The following MAPK10 variants were observed in gnomAD, a reference collection of about 807,000 sequenced individuals.
MAPK10 encodes the protein mitogen-activated protein kinase 10.
In MAPK10, 25 loss-of-function variants were observed where a neutral mutation model predicts 59.3. That is an observed-to-expected ratio of 0.42 (90% CI 0.31 to 0.59). The LOEUF (loss-of-function observed/expected upper bound fraction) is 0.59. MAPK10 is among the 20% of genes least tolerant of loss of function. MAPK10 has a pLI of 0.15. For missense variants in MAPK10, 351 were observed against 568.9 expected (o/e 0.62, Z 3.90); for synonymous variants, 190 against 200.5 (o/e 0.95, Z 0.44).
At chr4:86,296,934 T>G (rs2095374480) in intron 2 of MAPK10, among the ~76,000 whole-genome samples, 1 of 152,190 alleles carries the variant, frequency 6.6e-6, no homozygotes, top group African/African-American at 2.4e-5. Context: ...AGGAGATCCA[T>G]CTGTTCACTT....
intron 2 of MAPK10, among the ~76,000 whole-genome samples, chr4:86,205,706 G>GA: frequency 6.6e-6 from 1 of 151,786 alleles, no homozygotes; most frequent in East Asian, 1.9e-4. Flanking sequence ...CATTAAAAAA[G>GA]AAAAATTCTT....
chr4:86,515,063 T>C (rs1380427283), intron 1 of MAPK10, among the ~76,000 whole-genome samples: 1 of 152,290 alleles, frequency 6.6e-6, no homozygotes. Context: ...TGCATCCTCA[T>C]AGCTTATTTC....
chr4:86,189,254 A>G (rs1435539653), intron 3 of MAPK10, among the ~76,000 whole-genome samples: 3 of 152,128 alleles, frequency 2.0e-5, no homozygotes, highest in Non-Finnish European at 2.9e-5. Context: ...TATGAAATTT[A>G]AAGTAGTTTT....
chr4:86,199,989 T>C (rs2082257316), intron 2 of MAPK10, among the ~76,000 whole-genome samples: 1 of 152,054 alleles, frequency 6.6e-6, no homozygotes, highest in African/African-American at 2.4e-5. Flanking sequence ...TTTTTTGTTA[T>C]ATTTGAAAAT....
chr4:86,426,975 T>C (rs1227705256), intron 1 of MAPK10, among the ~76,000 whole-genome samples: 2 of 151,926 alleles, frequency 1.3e-5, no homozygotes, highest in African/African-American at 4.8e-5. Flanking sequence ...ATTAAAGCTA[T>C]GGCCGGGCGC....
rs541154451 is a variant in MAPK10 at position 86,574,929 on chromosome 4, A to G, written c.-263+18981T>C. On this transcript the variant is annotated intron_variant, in intron 1 of 4. Coordinates refer to the MAPK10 transcript ENST00000502302. The stretch of plus-strand genomic sequence containing the variant: ...ATATGATGGTTAACATGTCAACTTG[A>G]TTGTGCCAAAGTGTGCACAAATTAA... 1.4e-4 allele frequency among the ~76,000 whole-genome samples: 22 copies of G among 152,262 alleles called. No individual in the cohort carries two copies. The South Asian group carries it at 4.6e-3, about 32-fold the overall frequency.
In MAPK10 at chr4:86,050,835, T is replaced by C. The variant is rs3755971; in HGVS notation, c.1110+13431A>G. ...TATGAAAACAGCATTCTGGCATATA[T>C]GTCCTGAAAGAAAGTCACCAAAAGT... On this transcript the variant is annotated intron_variant, in intron 11 of 13. Coordinates refer to ENST00000641462, the MANE Select transcript of MAPK10 (RefSeq NM_138982.4). 5.6e-3 allele frequency among the ~76,000 whole-genome samples: 857 copies of C among 152,240 alleles called. 32 individuals carry two copies. The East Asian group carries it at 0.1, about 18-fold the overall frequency.
Position 86,029,637 on chromosome 4 carries a change from T to C in MAPK10, c.1175-363A>G, listed in dbSNP as rs1752246328. The stretch of plus-strand genomic sequence containing the variant: ...ACATAAATGAAACAAGTAATACATG[T>C]TTTACTTGTTTTCTGAATTCTTTGG... On this transcript the variant is annotated intron_variant, in intron 12 of 13. Transcript: ENST00000641462. Among the ~76,000 whole-genome samples the C allele has an allele frequency of 4.6e-5, 7 of 152,278 alleles. No homozygotes were observed. The South Asian group carries it at 1.5e-3, about 32-fold the overall frequency.
At chr4:86,367,673 GTTTT>G (rs781358587) in intron 1 of MAPK10, among the ~76,000 whole-genome samples, 7 of 147,360 alleles carry the variant, frequency 4.8e-5, no homozygotes, top group Non-Finnish European at 7.5e-5. Context: ...GTTTTGTTTT[GTTTT>G]TTTTGGTGAA....
intron 2 of MAPK10, among the ~76,000 whole-genome samples, chr4:86,324,891 G>A (rs997054648): frequency 9.9e-5 from 15 of 151,934 alleles, no homozygotes; most frequent in African/African-American, 3.4e-4. Context: ...TATAAAACTC[G>A]CTCTTCATAG....
At chr4:86,034,489 A>T (rs2039769115) in intron 11 of MAPK10, among the ~76,000 whole-genome samples, 1 of 152,242 alleles carries the variant, frequency 6.6e-6, no homozygotes, top group Non-Finnish European at 1.5e-5. Flanking sequence ...GTACATGGTC[A>T]CTGTGAATTA....
At chr4:86,101,441 C>T (rs932814629) in intron 7 of MAPK10, 3 of 476,236 alleles carry the variant, frequency 6.3e-6, no homozygotes, top group African/African-American at 3.9e-5. Context: ...TCACAATTTA[C>T]ACTAATCTTG....
intron 1 of MAPK10, among the ~76,000 whole-genome samples, chr4:86,567,303 C>T (rs1318963571): frequency 1.3e-5 from 2 of 151,916 alleles, no homozygotes; most frequent in African/African-American, 2.4e-5. Flanking sequence ...TCACTGCAAC[C>T]TCTGCCTCCC....
intron 3 of MAPK10, among the ~76,000 whole-genome samples, chr4:86,182,583 GC>G (rs1293726868): frequency 1.3e-5 from 2 of 152,056 alleles, no homozygotes; most frequent in Non-Finnish European, 2.9e-5. Context: ...TCTGTGAGAT[GC>G]CCCAGGAAAT....
chr4:86,481,735 G>C (rs1753628879), intron 1 of MAPK10, among the ~76,000 whole-genome samples: 1 of 152,138 alleles, frequency 6.6e-6, no homozygotes, highest in Non-Finnish European at 1.5e-5. Context: ...CTAGAAACAG[G>C]TGCCTAAGAA....
At chr4:86,029,652 G>T (rs994849354) in intron 12 of MAPK10, among the ~76,000 whole-genome samples, 3 of 151,944 alleles carry the variant, frequency 2.0e-5, no homozygotes, top group African/African-American at 7.3e-5. Flanking sequence ...CTTGTTTTCT[G>T]AATTCTTTGG....
In MAPK10 at chr4:86,015,410, C is replaced by G. The variant is rs561495255; in HGVS notation, c.*1818G>C. On this transcript the variant is annotated 3_prime_UTR_variant, in exon 14 of 14. Transcript: ENST00000641462. ...TATTCTATTTGCCAATCAGTTCACA[C>G]TCATCAACCATCCACTTCCTGTCTT... 6.6e-6 allele frequency: 1 copy of G among 152,336 alleles called. No homozygotes were observed. The highest frequency in any genetic ancestry group is 2.1e-4 in the South Asian group (1 of 4,822). 9.4% of individuals were successfully genotyped at this position (152,336 alleles called of 1,614,324 possible).
At chr4:86,077,642 A>G (rs977671977) in intron 9 of MAPK10, among the ~76,000 whole-genome samples, 1 of 152,290 alleles carries the variant, frequency 6.6e-6, no homozygotes, top group East Asian at 1.9e-4. Flanking sequence ...AACACCTCAT[A>G]GTTTCTGACT....
intron 4 of MAPK10, among the ~76,000 whole-genome samples, chr4:86,154,020 G>A (rs1170669389): frequency 6.6e-6 from 1 of 152,142 alleles, no homozygotes. Context: ...GGAAATGTGT[G>A]ATTAAATCCG....
Sources: allele counts gnomAD v4.1 joint callset (sites outside exome capture counted in the v4.1 genomes callset), GRCh38; gene constraint gnomAD v4.1.1; transcripts MANE v1.5; gene names NCBI Gene and HGNC (gene_info 2026-07-23, HGNC 2026-07-21).